PLSCR1: variants seen among roughly 807,000 people sequenced by gnomAD.
PLSCR1 encodes phospholipid scramblase 1, also known as PL scramblase 1.
A neutral mutation model predicts 37.8 loss-of-function variants in PLSCR1; 17 were observed. That is an observed-to-expected ratio of 0.45 (90% confidence interval 0.31 to 0.68). The LOEUF (loss-of-function observed/expected upper bound fraction) is 0.68. Among genes scored for constraint, PLSCR1 ranks in the 30% least tolerant of loss-of-function variants. The probability of loss-of-function intolerance (pLI) is 0.06; values close to 1 mark genes in which losing one functional copy is unlikely to be tolerated. For missense variants in PLSCR1, 347 were observed against 380.9 expected (o/e 0.91, Z 0.74); for synonymous variants, 116 against 125.9 (o/e 0.92, Z 0.53).
Position 146,533,515 on chromosome 3 carries a change from A to G in PLSCR1, c.49T>C (p.Leu17=), listed in dbSNP as rs2044227204. The change falls in exon 3 of 9, where the codon TTG becomes CTG. Residue 17 remains leucine, a synonymous_variant. Transcript: ENST00000342435. ...QMNASHPETN[L]PVGYPPQYPP... Reference sequence around the variant, plus strand: ...TACTGAGGAGGATACCCAACTGGCAAGTTTGTTTCCGGGTGAGAAGCATTC... The same window carrying G: ...TACTGAGGAGGATACCCAACTGGCAGGTTTGTTTCCGGGTGAGAAGCATTC... 1 of 1,608,670 alleles carries G rather than the reference A, an allele frequency of 6.2e-7. No individual in the cohort carries two copies. Among genetic ancestry groups the G allele is most frequent in the Non-Finnish European group, 8.5e-7 (1 of 1,176,064 alleles).
At chr3:146,526,382 G>C (rs1048215914) in intron 4 of PLSCR1, among the ~76,000 whole-genome samples, 8 of 151,990 alleles carry the variant, frequency 5.3e-5, no homozygotes, top group African/African-American at 1.9e-4. Flanking sequence ...TAAAAATGTG[G>C]AGAAGGGGAA....
At chr3:146,528,376 A>T (rs529454161) in intron 4 of PLSCR1, 37 of 529,922 alleles carry the variant, frequency 7.0e-5, no homozygotes, top group African/African-American at 6.5e-4. Context: ...TGCTAATTAA[A>T]TGTTTGCTAT....
chr3:146,527,586 T>A (rs181182501), intron 4 of PLSCR1, among the ~76,000 whole-genome samples: 21 of 152,334 alleles, frequency 1.4e-4, no homozygotes, highest in African/African-American at 4.8e-4. Context: ...AGATTTGTAT[T>A]AAGCATACTT....
chr3:146,519,111 C>T (rs2043984358), intron 7 of PLSCR1, among the ~76,000 whole-genome samples: 1 of 151,722 alleles, frequency 6.6e-6, no homozygotes, highest in Admixed American at 6.6e-5. Flanking sequence ...GTTATTACAC[C>T]CAATTTTCAT....
At chr3:146,531,158 C>A (rs1195043545) in intron 3 of PLSCR1, among the ~76,000 whole-genome samples, 3 of 152,152 alleles carry the variant, frequency 2.0e-5, no homozygotes, top group Admixed American at 1.3e-4. Flanking sequence ...ATGCTGAGAT[C>A]TGAAGGATGC....
intron 2 of PLSCR1, 140 bp downstream of exon 2, chr3:146,536,400 G>C: frequency 1.7e-6 from 1 of 582,044 alleles, no homozygotes; most frequent in South Asian, 2.2e-5. Context: ...TACTGAACTA[G>C]ACATTGTATT....
At position 146,515,561 on chromosome 3, in the gene PLSCR1, A is replaced by G. The variant is rs948157460; in HGVS notation, c.*484T>C. Reference sequence around the variant, plus strand: ...TTTCTTGAAGATTAAAAAAACATTTAACTTTTTAAAGATAATATGCATATT... The same window carrying G: ...TTTCTTGAAGATTAAAAAAACATTTGACTTTTTAAAGATAATATGCATATT... On this transcript the variant is annotated 3_prime_UTR_variant, in exon 9 of 9. Transcript: ENST00000342435. 2 of 152,018 alleles carry G rather than the reference A, an allele frequency of 1.3e-5. No individual in the cohort carries two copies. Among genetic ancestry groups the G allele is most frequent in the African/African-American group, 2.4e-5 (1 of 41,458 alleles). The allele number at this position is 152,018 out of a possible 1,614,324, so 9.4% of individuals were successfully genotyped here.
chr3:146,537,648 A>T (rs1560090557), intron 1 of PLSCR1, among the ~76,000 whole-genome samples: 1 of 152,100 alleles, frequency 6.6e-6, no homozygotes, highest in African/African-American at 2.4e-5. Flanking sequence ...CTGAGGCAGG[A>T]GGATCACTTG....
chr3:146,542,332 C>G (rs2044347610), intron 1 of PLSCR1, among the ~76,000 whole-genome samples: 1 of 152,120 alleles, frequency 6.6e-6, no homozygotes, highest in Non-Finnish European at 1.5e-5. Flanking sequence ...TGAGACTTCC[C>G]TCAGCTCTCA....
At chr3:146,542,032 A>G (rs1384826932) in intron 1 of PLSCR1, among the ~76,000 whole-genome samples, 1 of 152,154 alleles carries the variant, frequency 6.6e-6, no homozygotes, top group Non-Finnish European at 1.5e-5. Flanking sequence ...GTCCCATAAG[A>G]TTATTTTTAC....
At chr3:146,528,329 A>C (rs2108643377) in intron 4 of PLSCR1, 1 of 413,722 alleles carries the variant, frequency 2.4e-6, no homozygotes, top group East Asian at 5.1e-5. Flanking sequence ...AAATGAGTTA[A>C]TACATGTATC....
At position 146,529,391 on chromosome 3, in the gene PLSCR1, G is replaced by C. The variant is rs114422785; in HGVS notation, c.95-560C>G. On this transcript the variant is annotated intron_variant, in intron 3 of 8. Coordinates refer to ENST00000342435, the MANE Select transcript of PLSCR1 (RefSeq NM_021105.3). The stretch of plus-strand genomic sequence containing the variant: ...AAGATAATACTGCATCTGGTGGGTA[G>C]AGGCCAGGGCTGCTGCTACACATCT... Among the ~76,000 whole-genome samples, 490 of 152,268 alleles carry C rather than the reference G, an allele frequency of 3.2e-3. 2 individuals are homozygous for C. Among genetic ancestry groups the C allele is most frequent in the African/African-American group, 0.011 (447 of 41,538 alleles).
At chr3:146,534,142 T>C (rs933161805) in intron 2 of PLSCR1, among the ~76,000 whole-genome samples, 1 of 152,230 alleles carries the variant, frequency 6.6e-6, no homozygotes, top group African/African-American at 2.4e-5. Flanking sequence ...ACTTTGTTAT[T>C]TGCTAATAAG....
chr3:146,522,731 C>T (rs6781298), intron 5 of PLSCR1, among the ~76,000 whole-genome samples: 2,012 of 152,206 alleles, frequency 0.013, 48 homozygotes, highest in African/African-American at 0.047. Context: ...CGCGTCTTTG[C>T]AGTTGAGATA....
chr3:146,539,749 T>C (rs2044312922), intron 1 of PLSCR1, among the ~76,000 whole-genome samples: 1 of 152,198 alleles, frequency 6.6e-6, no homozygotes, highest in African/African-American at 2.4e-5. Flanking sequence ...CAGTATAAAA[T>C]CTGGGTCTTT....
rs749908143 is a variant in PLSCR1 at position 146,533,507 on chromosome 3, A to G, written c.57T>C (p.Val19=). The change falls in exon 3 of 9, where the codon GTT becomes GTC. Residue 19 remains valine (V), a synonymous_variant. Transcript: ENST00000342435. ...NASHPETNLP[V]GYPPQYPPTA... is the part of the protein sequence containing the mutation. ...TCGGTGGATACTGAGGAGGATACCC[A>G]ACTGGCAAGTTTGTTTCCGGGTGAG... 5 of 1,608,588 alleles carry G rather than the reference A, an allele frequency of 3.1e-6. No individual in the cohort carries two copies. The African/African-American group carries it at 6.7e-5, about 21-fold the overall frequency.
At chr3:146,532,193 G>A (rs543508598) in intron 3 of PLSCR1, among the ~76,000 whole-genome samples, 9 of 152,214 alleles carry the variant, frequency 5.9e-5, no homozygotes, top group African/African-American at 2.2e-4. Context: ...TATCTGAACT[G>A]TATTATTTAT....
chr3:146,536,755 T>C (rs2044270875), intron 1 of PLSCR1, 190 bp from the exon 2 acceptor site: 2 of 494,784 alleles, frequency 4.0e-6, no homozygotes, highest in Non-Finnish European at 7.6e-6. Flanking sequence ...TGTTTCTGAG[T>C]AGGAATTTAG....
chr3:146,535,927 G>A (rs1367659117), intron 2 of PLSCR1, among the ~76,000 whole-genome samples: 6 of 152,098 alleles, frequency 3.9e-5, no homozygotes, highest in Non-Finnish European at 8.8e-5. Flanking sequence ...CAGAAAAACA[G>A]GATTTAATTT....
Sources: gnomAD v4.1 joint callset for allele counts (sites outside exome capture counted in the v4.1 genomes callset) on GRCh38, gnomAD v4.1.1 for gene constraint, MANE v1.5 for transcripts, NCBI Gene and HGNC (gene_info 2026-07-23, HGNC 2026-07-21) for gene names.